Variants in CCN4 observed in about 807,000 individuals in gnomAD.
CCN4 encodes the protein cellular communication network factor 4.
In CCN4, 30 loss-of-function variants were observed where a neutral mutation model predicts 36.7. That is an observed-to-expected ratio of 0.82 (90% CI 0.61 to 1.11). CCN4 has a LOEUF of 1.11. Among genes scored for constraint, CCN4 ranks in the 50% least tolerant of loss-of-function variants. The pLI is 0.00. For missense variants in CCN4, 505 were observed against 504.9 expected, an observed-to-expected ratio of 1.00 and a Z score of 0.00; for synonymous variants, 191 against 195.4, an observed-to-expected ratio of 0.98 and a Z score of 0.19.
chr8:133,229,375 G>A lies in CCN4; in HGVS notation c.*1665G>A, dbSNP rs754780637. On this transcript the variant is annotated 3_prime_UTR_variant, in exon 5 of 5. Transcript: ENST00000250160. Reference sequence around the variant, plus strand: ...TCTTTCTAGCTCCTTTTCAAAAGACGAGAATATCTGATTTTCTGATAATTT... The same window carrying A: ...TCTTTCTAGCTCCTTTTCAAAAGACAAGAATATCTGATTTTCTGATAATTT... 5 of 152,066 alleles carry A rather than the reference G, an allele frequency of 3.3e-5. No homozygotes were observed. Among genetic ancestry groups the A allele is most frequent in the East Asian group, 1.9e-4 (1 of 5,186 alleles). The allele number at this position is 152,066 out of a possible 1,614,324, so 9.4% of individuals were successfully genotyped here. A position where few individuals can be genotyped will look rare whatever the true frequency, so the allele number is the denominator to read the frequency against.
chr8:133,206,766 A>T (rs1853790570), intron 1 of CCN4, among the ~76,000 whole-genome samples: 1 of 152,166 alleles, frequency 6.6e-6, no homozygotes, highest in Non-Finnish European at 1.5e-5. Flanking sequence ...GGTGCCAGGG[A>T]TCACACTGGA....
chr8:133,191,330 T>C (rs1312796273), intron 1 of CCN4, 117 bp downstream of exon 1: 4 of 1,255,728 alleles, frequency 3.2e-6, no homozygotes, highest in Middle Eastern at 2.3e-4. Flanking sequence ...GGCTGGAAGG[T>C]GGCCACTTAC....
At chr8:133,224,798 G>A (rs1854667018) in intron 3 of CCN4, among the ~76,000 whole-genome samples, 2 of 152,034 alleles carry the variant, frequency 1.3e-5, no homozygotes, top group African/African-American at 4.8e-5. Context: ...GCCGGGCATG[G>A]TGGCCCATGC....
In CCN4 at chr8:133,220,796, G is replaced by T. The variant is rs73711822; in HGVS notation, c.565G>T (p.Ala189Ser). ...TGAGCAGTGGGTATGTGAGGACGACGCCAAGAGGCCACGCAAGACCGCACC... is the reference window on the plus strand; with the variant it reads ...TGAGCAGTGGGTATGTGAGGACGACTCCAAGAGGCCACGCAAGACCGCACC... Reference protein sequence around the residue: ...CCEQWVCEDDAKRPRKTAPRD... With the variant: ...CCEQWVCEDDSKRPRKTAPRD... Residue 189 changes from alanine to serine, a missense_variant, in exon 3 of 5, where the codon GCC becomes TCC. Ala to Ser is a moderately conservative substitution (Grantham distance 99). Transcript: ENST00000250160. 4 of 1,610,630 alleles carry T rather than the reference G, an allele frequency of 2.5e-6. No individual in the cohort carries two copies. The highest frequency in any genetic ancestry group is 1.9e-4 in the Middle Eastern group (1 of 5,358).
intron 1 of CCN4, among the ~76,000 whole-genome samples, chr8:133,196,658 C>T (rs1056780289): frequency 1.3e-5 from 2 of 152,240 alleles, no homozygotes; most frequent in South Asian, 2.1e-4. Flanking sequence ...GTAAGTAGCC[C>T]AGCTTTTCTG....
At chr8:133,207,457 C>T (rs1285354821) in intron 1 of CCN4, among the ~76,000 whole-genome samples, 3 of 152,244 alleles carry the variant, frequency 2.0e-5, no homozygotes, top group Non-Finnish European at 2.9e-5. Flanking sequence ...CTGATGGGAG[C>T]ATGTCCCCAA....
intron 1 of CCN4, among the ~76,000 whole-genome samples, chr8:133,200,604 G>C (rs978046610): frequency 6.6e-6 from 1 of 152,210 alleles, no homozygotes; most frequent in Admixed American, 6.5e-5. Flanking sequence ...GAGGTAGCTG[G>C]AGGAGGATAG....
chr8:133,224,935 CA>C (rs55861580), intron 3 of CCN4, among the ~76,000 whole-genome samples: 68,380 of 130,000 alleles, frequency 0.53, 15,991 homozygotes, highest in Middle Eastern at 0.64. Context: ...AACTCTGTCT[CA>C]AAAAAAAAAA....
intron 2 of CCN4, among the ~76,000 whole-genome samples, chr8:133,214,544 C>A (rs974830499): frequency 6.8e-6 from 1 of 147,546 alleles, no homozygotes; most frequent in Non-Finnish European, 1.5e-5. Flanking sequence ...TTGTTGTTTT[C>A]TTTGGTCTTC....
intron 2 of CCN4, among the ~76,000 whole-genome samples, chr8:133,218,993 A>C (rs1482113202): frequency 6.6e-6 from 1 of 151,564 alleles, no homozygotes; most frequent in Non-Finnish European, 1.5e-5. Context: ...CTCTCCTTCC[A>C]AATCTGTCTG....
intron 3 of CCN4, among the ~76,000 whole-genome samples, chr8:133,223,088 G>C (rs1299058440): frequency 1.3e-5 from 2 of 151,998 alleles, no homozygotes; most frequent in African/African-American, 2.4e-5. Flanking sequence ...AAAATTGCTC[G>C]GTGGAGAAGC....
chr8:133,227,794 A>G lies in CCN4; in HGVS notation c.*84A>G. 4 of 1,452,022 alleles carry G rather than the reference A, an allele frequency of 2.8e-6. No individual in the cohort carries two copies. The highest frequency in any genetic ancestry group is 3.7e-6 in the Non-Finnish European group (4 of 1,073,112). 89.9% of individuals were successfully genotyped at this position (1,452,022 alleles called of 1,614,324 possible). On this transcript the variant is annotated 3_prime_UTR_variant, in exon 5 of 5. Coordinates refer to ENST00000250160, the MANE Select transcript of CCN4 (RefSeq NM_003882.4). ...TATGGCCAATAACTTTTCACCAATG[A>G]GCCTTAGTTACCCTGATCTGGACCC...
intron 1 of CCN4, among the ~76,000 whole-genome samples, chr8:133,206,752 A>C (rs1257911530): frequency 6.6e-6 from 1 of 152,196 alleles, no homozygotes; most frequent in Non-Finnish European, 1.5e-5. Flanking sequence ...GTGGATGGGC[A>C]CAAGGTGCCA....
chr8:133,214,277 TA>T (rs35789555), intron 2 of CCN4, among the ~76,000 whole-genome samples: 150,590 of 150,592 alleles, frequency 1, 75,294 homozygotes, highest in Middle Eastern at 1. Context: ...AGCTCCTCAA[TA>T]ACCACCTGAT....
At chr8:133,221,169 G>A (rs898271102) in intron 3 of CCN4, among the ~76,000 whole-genome samples, 1 of 152,232 alleles carries the variant, frequency 6.6e-6, no homozygotes, top group African/African-American at 2.4e-5. Flanking sequence ...GTGGGTACCT[G>A]AGGAGAGGAG....
chr8:133,209,750 A>G (rs1853926959), intron 1 of CCN4, among the ~76,000 whole-genome samples: 1 of 152,190 alleles, frequency 6.6e-6, no homozygotes, highest in Non-Finnish European at 1.5e-5. Flanking sequence ...GGGGTCAGGG[A>G]GGACACACAA....
rs953018564 is a variant in CCN4 at position 133,228,344 on chromosome 8, G to A, written c.*634G>A. The A allele has an allele frequency of 6.6e-6, 1 of 152,458 alleles. No homozygotes were observed. The highest frequency in any genetic ancestry group is 2.4e-5 in the African/African-American group (1 of 41,458). 9.4% of individuals were successfully genotyped at this position (152,458 alleles called of 1,614,324 possible). On this transcript the variant is annotated 3_prime_UTR_variant, in exon 5 of 5. Transcript: ENST00000250160. ...TTAAGTTTCTCTTCACCCCTACACT[G>A]TGAAGGGTACAGATTAGGTTTGTCC... is the stretch of plus-strand genomic sequence containing the variant.
At chr8:133,219,373 C>T (rs932995270) in intron 2 of CCN4, among the ~76,000 whole-genome samples, 2 of 152,130 alleles carry the variant, frequency 1.3e-5, no homozygotes, top group South Asian at 2.1e-4. Context: ...GAAAGCTCCT[C>T]CCCCAACCCC....
chr8:133,205,587 G>T (rs2130554881), intron 1 of CCN4, among the ~76,000 whole-genome samples: 1 of 152,254 alleles, frequency 6.6e-6, no homozygotes, highest in African/African-American at 2.4e-5. Flanking sequence ...TAGCCGTCAG[G>T]GCTCTCTGGG....
Sources: gnomAD v4.1 joint callset for allele counts (sites outside exome capture counted in the v4.1 genomes callset) on GRCh38, gnomAD v4.1.1 for gene constraint, MANE v1.5 for transcripts, NCBI Gene and HGNC (gene_info 2026-07-23, HGNC 2026-07-21) for gene names.